The following CAMK2D variants were observed in gnomAD, a reference collection of about 807,000 sequenced individuals.
CAMK2D encodes the protein calcium/calmodulin dependent protein kinase II delta, also known as calcium/calmodulin-dependent protein kinase type II subunit delta.
CAMK2D carries 37 observed loss-of-function variants against 84.0 expected under a neutral mutation model. The ratio of observed to expected loss-of-function variants is 0.44; its 90% CI spans 0.34 to 0.58. CAMK2D has a LOEUF of 0.58. CAMK2D is among the 20% of genes least tolerant of loss of function. The pLI, the probability that CAMK2D is intolerant of heterozygous loss-of-function variation, is 0.02. For missense variants in CAMK2D, 448 were observed against 652.5 expected (o/e 0.69, Z 3.41); for synonymous variants, 202 against 212.5 (o/e 0.95, Z 0.43).
rs2097295572 is a variant in CAMK2D, at chr4:113,455,708, G to C, written c.*29+18C>G. ...TCAGCTCCAGTCACAAAGTATCACG[G>C]AGCAGGATGTTACTTACAAGACCCA... On this transcript the variant is annotated intron_variant, in intron 20 of 20. Coordinates refer to ENST00000511664, the MANE Select transcript of CAMK2D (RefSeq NM_001321571.2). 7.1e-7 allele frequency: 1 copy of C among 1,410,880 alleles called. No individual in the cohort carries two copies. Among genetic ancestry groups the C allele is most frequent in the African/African-American group, 1.4e-5 (1 of 70,976 alleles). The allele number at this position is 1,410,880 out of a possible 1,614,324, so 87.4% of individuals were successfully genotyped here.
chr4:113,746,870 C>G (rs946573943), intron 2 of CAMK2D, among the ~76,000 whole-genome samples: 1 of 150,536 alleles, frequency 6.6e-6, no homozygotes, highest in Admixed American at 6.6e-5. Flanking sequence ...AACCTGCTTA[C>G]TAATGATTAT....
At chr4:113,703,036 G>A (rs1157527859) in intron 2 of CAMK2D, among the ~76,000 whole-genome samples, 1 of 152,158 alleles carries the variant, frequency 6.6e-6, no homozygotes, top group Non-Finnish European at 1.5e-5. Flanking sequence ...ACAGCCAGTA[G>A]CTGCTATACT....
At chr4:113,576,281 T>C (rs2098781785) in intron 4 of CAMK2D, among the ~76,000 whole-genome samples, 1 of 152,164 alleles carries the variant, frequency 6.6e-6, no homozygotes. Context: ...CGATGTTTAG[T>C]CCCATTAACT....
At chr4:113,623,732 C>T (rs2099056273) in intron 3 of CAMK2D, among the ~76,000 whole-genome samples, 1 of 147,132 alleles carries the variant, frequency 6.8e-6, no homozygotes. Context: ...CATTGTTATG[C>T]AGTGACTGTG....
At chr4:113,464,425 C>T (rs987023394) in intron 17 of CAMK2D, among the ~76,000 whole-genome samples, 24 of 152,164 alleles carry the variant, frequency 1.6e-4, no homozygotes, top group African/African-American at 2.9e-4. Context: ...AAAGTATACA[C>T]GTTTTATCTA....
At position 113,657,468 on chromosome 4, in the gene CAMK2D, T is replaced by C. The variant is rs140548938; in HGVS notation, c.220+4245A>G. On this transcript the variant is annotated intron_variant, in intron 3 of 20. Transcript: ENST00000511664. ...GTTGGGTGAGACCATTTTCATGATA[T>C]ATCTAAAGGGGTATGAAAATGCACA... Among the ~76,000 whole-genome samples, 21 of 152,158 alleles carry C rather than the reference T, an allele frequency of 1.4e-4. No homozygotes were observed. The East Asian group carries it at 4.1e-3, about 29-fold the overall frequency.
chr4:113,756,171 T>C (rs1346062651), intron 2 of CAMK2D, among the ~76,000 whole-genome samples: 1 of 151,988 alleles, frequency 6.6e-6, no homozygotes, highest in Non-Finnish European at 1.5e-5. Context: ...CTGCTGGAAA[T>C]CCATTAAAAT....
At position 113,476,786 on chromosome 4, in the gene CAMK2D, G is replaced by A. The variant is rs766611446; in HGVS notation, c.1136-11182C>T. Among the ~76,000 whole-genome samples, 40 of 152,014 alleles carry A rather than the reference G, an allele frequency of 2.6e-4. 1 individual carries two copies. Among genetic ancestry groups the A allele is most frequent in the Admixed American group, 2.0e-4 (3 of 15,262 alleles). On this transcript the variant is annotated intron_variant, in intron 16 of 20. Transcript: ENST00000511664. Reference sequence around the variant, plus strand: ...ATTACTAATGTAAAACCTAAGATTGGTCTTTGAGATATTTTTCAGACTTTT... The same window carrying A: ...ATTACTAATGTAAAACCTAAGATTGATCTTTGAGATATTTTTCAGACTTTT...
chr4:113,643,702 C>A (rs1272258383), intron 3 of CAMK2D, among the ~76,000 whole-genome samples: 1 of 152,248 alleles, frequency 6.6e-6, no homozygotes, highest in Non-Finnish European at 1.5e-5. Flanking sequence ...CTCCCACCGA[C>A]CATCTTGATA....
intron 2 of CAMK2D, among the ~76,000 whole-genome samples, chr4:113,727,980 C>T (rs1299825167): frequency 1.3e-5 from 2 of 152,130 alleles, no homozygotes; most frequent in African/African-American, 2.4e-5. Context: ...TTCACACCCA[C>T]TAGAACGGCT....
intron 8 of CAMK2D, among the ~76,000 whole-genome samples, chr4:113,529,260 T>G (rs1446735382): frequency 6.6e-6 from 1 of 152,138 alleles, no homozygotes; most frequent in South Asian, 2.1e-4. Flanking sequence ...TCAATCAGTT[T>G]AAGATCAAAC....
At chr4:113,506,722 T>TA (rs1380678020) in intron 13 of CAMK2D, among the ~76,000 whole-genome samples, 2 of 152,226 alleles carry the variant, frequency 1.3e-5, no homozygotes, top group Non-Finnish European at 2.9e-5. Flanking sequence ...ATTTAGTTTT[T>TA]ATCAGTGAAT....
chr4:113,567,058 C>T (rs930220046), intron 4 of CAMK2D, among the ~76,000 whole-genome samples: 4 of 151,952 alleles, frequency 2.6e-5, no homozygotes, highest in African/African-American at 9.7e-5. Context: ...ATCAGATGCA[C>T]TAACACTGAG....
At chr4:113,455,612 C>T (rs200643750) in intron 20 of CAMK2D, 114 bp downstream of exon 20, 15 of 567,308 alleles carry the variant, frequency 2.6e-5, no homozygotes, top group East Asian at 2.2e-4. Context: ...AGACCTTGTG[C>T]GTTTTTCATT....
At position 113,565,738 on chromosome 4, in the gene CAMK2D, C is replaced by A. The variant is rs113881534; in HGVS notation, c.276-13642G>T. Among the ~76,000 whole-genome samples the A allele has an allele frequency of 3.8e-3, 577 of 151,704 alleles. 3 individuals carry two copies. Among genetic ancestry groups the A allele is most frequent in the African/African-American group, 0.013 (547 of 41,338 alleles). ...AAGATGCCATAGATCATAATCTTTG[C>A]CACCCAGATGACAGAATCACCTTAA... On this transcript the variant is annotated intron_variant, in intron 4 of 20. Coordinates refer to ENST00000511664, the MANE Select transcript of CAMK2D (RefSeq NM_001321571.2).
intron 3 of CAMK2D, among the ~76,000 whole-genome samples, chr4:113,632,335 T>C (rs896679806): frequency 3.3e-5 from 5 of 152,112 alleles, no homozygotes; most frequent in Non-Finnish European, 7.4e-5. Context: ...GCGATTCTCC[T>C]GCCTCAGCCT....
At chr4:113,550,657 A>C (rs2098620246) in intron 5 of CAMK2D, among the ~76,000 whole-genome samples, 1 of 152,226 alleles carries the variant, frequency 6.6e-6, no homozygotes. Flanking sequence ...AACATTAATG[A>C]AATTCCCTAG....
At chr4:113,717,310 A>T (rs555143452) in intron 2 of CAMK2D, among the ~76,000 whole-genome samples, 1 of 152,164 alleles carries the variant, frequency 6.6e-6, no homozygotes, top group Non-Finnish European at 1.5e-5. Context: ...TTAAAAAAAT[A>T]AGAGAAAAAT....
chr4:113,464,050 T>C (rs1328824469), intron 17 of CAMK2D, among the ~76,000 whole-genome samples: 2 of 152,214 alleles, frequency 1.3e-5, no homozygotes, highest in South Asian at 2.1e-4. Context: ...TCCCCCCATA[T>C]CTGCCACCAC....
Sources: allele counts gnomAD v4.1 joint callset (sites outside exome capture counted in the v4.1 genomes callset), GRCh38; gene constraint gnomAD v4.1.1; transcripts MANE v1.5; gene names NCBI Gene and HGNC (gene_info 2026-07-23, HGNC 2026-07-21).